The following DEPTOR variants were observed in gnomAD, a reference collection of about 807,000 sequenced individuals.
The protein encoded by DEPTOR is DEP domain-containing mTOR-interacting protein.
A neutral mutation model predicts 41.6 loss-of-function variants in DEPTOR; 41 were observed. The observed-to-expected ratio is 0.98, with a 90% confidence interval of 0.77 to 1.28. The LOEUF (loss-of-function observed/expected upper bound fraction) is 1.28. Among genes scored for constraint, DEPTOR ranks in the 50% most tolerant of loss-of-function variants. DEPTOR has a pLI of 0.00. For synonymous variants in DEPTOR, 195 were observed against 192.3 expected, an observed-to-expected ratio of 1.01 and a Z score of -0.12; for missense variants, 514 against 527.9, an observed-to-expected ratio of 0.97 and a Z score of 0.26.
chr8:119,874,885 C>G (rs933372413), intron 1 of DEPTOR, among the ~76,000 whole-genome samples: 5 of 152,110 alleles, frequency 3.3e-5, no homozygotes, highest in African/African-American at 1.2e-4. Flanking sequence ...AAAAGAAAAC[C>G]CAGCTCTGCA....
intron 8 of DEPTOR, among the ~76,000 whole-genome samples, chr8:120,009,604 C>T (rs932476411): frequency 1.3e-5 from 2 of 148,862 alleles, no homozygotes; most frequent in Non-Finnish European, 3.0e-5. Context: ...CAAAGCGAGA[C>T]TCTGTCTCTA....
chr8:119,891,098 G>A (rs1338147736), intron 1 of DEPTOR: 1 of 151,894 alleles, frequency 6.6e-6, no homozygotes, highest in East Asian at 1.9e-4. Flanking sequence ...CAGGCTGGAG[G>A]GCAGTGGTGC....
At chr8:119,947,151 C>T (rs1453770636) in intron 3 of DEPTOR, among the ~76,000 whole-genome samples, 1 of 152,152 alleles carries the variant, frequency 6.6e-6, no homozygotes. Flanking sequence ...GATCATAGCA[C>T]CCAACTGCAG....
chr8:119,990,325 CT>C (rs1488411863), intron 4 of DEPTOR, among the ~76,000 whole-genome samples: 2 of 151,854 alleles, frequency 1.3e-5, no homozygotes, highest in African/African-American at 4.8e-5. Flanking sequence ...GCCCAGCTAA[CT>C]TTTTGTATTT....
At chr8:119,996,423 C>G (rs1812260179) in intron 4 of DEPTOR, among the ~76,000 whole-genome samples, 1 of 152,162 alleles carries the variant, frequency 6.6e-6, no homozygotes. Context: ...TCATCTGGCC[C>G]TCATGTTACC....
At chr8:119,920,785 A>C (rs1827879829) in intron 1 of DEPTOR, among the ~76,000 whole-genome samples, 1 of 152,084 alleles carries the variant, frequency 6.6e-6, no homozygotes, top group African/African-American at 2.4e-5. Flanking sequence ...TGTCTTGGTT[A>C]TTATACGAGT....
intron 1 of DEPTOR, among the ~76,000 whole-genome samples, chr8:119,926,084 C>CTT (rs569523900): frequency 1.1e-4 from 17 of 152,128 alleles, no homozygotes; most frequent in Non-Finnish European, 2.1e-4. Context: ...CTGGCTACTT[C>CTT]TGTTTGCTGT....
intron 8 of DEPTOR, among the ~76,000 whole-genome samples, chr8:120,048,191 A>G (rs146074431): frequency 4.5e-4 from 69 of 152,290 alleles, no homozygotes; most frequent in African/African-American, 1.6e-3. Flanking sequence ...TCTTTTTGGA[A>G]AAAGAAACCC....
intron 3 of DEPTOR, among the ~76,000 whole-genome samples, chr8:119,930,346 C>T (rs1308335437): frequency 1.3e-5 from 2 of 152,100 alleles, no homozygotes; most frequent in South Asian, 2.1e-4. Flanking sequence ...AAGTGATTCT[C>T]GTGCCTCAGC....
chr8:119,975,397 G>T (rs183117015), intron 4 of DEPTOR, among the ~76,000 whole-genome samples: 1 of 152,240 alleles, frequency 6.6e-6, no homozygotes, highest in Admixed American at 6.5e-5. Context: ...CTTTGTTTAA[G>T]ATAATTACAA....
At chr8:120,038,401 A>G (rs1813010670) in intron 8 of DEPTOR, among the ~76,000 whole-genome samples, 1 of 151,982 alleles carries the variant, frequency 6.6e-6, no homozygotes, top group Admixed American at 6.6e-5. Context: ...AGAGTTCAAG[A>G]GCAGCCTGGG....
intron 1 of DEPTOR, among the ~76,000 whole-genome samples, chr8:119,908,917 T>C (rs1827702746): frequency 6.6e-6 from 1 of 152,194 alleles, no homozygotes; most frequent in South Asian, 2.1e-4. Context: ...GTAACTGTGA[T>C]GTAAATCAGA....
chr8:120,016,057 G>A (rs1323602024), intron 8 of DEPTOR, among the ~76,000 whole-genome samples: 1 of 152,052 alleles, frequency 6.6e-6, no homozygotes, highest in Non-Finnish European at 1.5e-5. Flanking sequence ...TCTAAGAGCT[G>A]CTTTAAAAAC....
chr8:119,900,884 A>G (rs898636974), intron 1 of DEPTOR, among the ~76,000 whole-genome samples: 3 of 152,136 alleles, frequency 2.0e-5, no homozygotes, highest in African/African-American at 7.2e-5. Flanking sequence ...GCTGAATGTT[A>G]TTCTATTTTT....
chr8:119,932,212 G>A (rs1036563860), intron 3 of DEPTOR, among the ~76,000 whole-genome samples: 1 of 151,806 alleles, frequency 6.6e-6, no homozygotes, highest in Non-Finnish European at 1.5e-5. Flanking sequence ...ATCAAACTCT[G>A]GTCCTCAAGT....
chr8:119,972,054 C>A (rs1378402734), intron 4 of DEPTOR, among the ~76,000 whole-genome samples: 1 of 152,182 alleles, frequency 6.6e-6, no homozygotes, highest in East Asian at 1.9e-4. Context: ...CATAAGCCGG[C>A]CCTTCCGTAT....
chr8:119,966,721 C>T (rs767443071), intron 4 of DEPTOR, among the ~76,000 whole-genome samples: 4 of 151,992 alleles, frequency 2.6e-5, no homozygotes, highest in Non-Finnish European at 4.4e-5. Flanking sequence ...AAGTGATCCA[C>T]CCACCTTGGC....
At chr8:120,048,923 C>A (rs1813191902) in intron 8 of DEPTOR, among the ~76,000 whole-genome samples, 1 of 152,108 alleles carries the variant, frequency 6.6e-6, no homozygotes, top group Non-Finnish European at 1.5e-5. Flanking sequence ...TTCTAAGTCC[C>A]CTCATCTTTT....
chr8:119,992,792 A>G (rs1812191862), intron 4 of DEPTOR, among the ~76,000 whole-genome samples: 1 of 151,020 alleles, frequency 6.6e-6, no homozygotes, highest in Admixed American at 6.6e-5. Flanking sequence ...AAGTAGCTGG[A>G]ATTACAGGTG....
Sources: allele counts gnomAD v4.1 joint callset (sites outside exome capture counted in the v4.1 genomes callset), GRCh38; gene constraint gnomAD v4.1.1; transcripts MANE v1.5; gene names NCBI Gene and HGNC (gene_info 2026-07-23, HGNC 2026-07-21).